The following WDPCP variants were observed in gnomAD, a reference collection of about 807,000 sequenced individuals.
WDPCP encodes the protein WD repeat-containing and planar cell polarity effector protein fritz homolog.
In WDPCP, 71 loss-of-function variants were observed where a neutral mutation model predicts 93.1. The observed-to-expected ratio is 0.76, with a 90% CI of 0.63 to 0.93. The LOEUF (loss-of-function observed/expected upper bound fraction) is 0.93. WDPCP is among the 40% of genes least tolerant of loss of function. The probability of loss-of-function intolerance (pLI) is 0.00; values close to 1 mark genes in which losing one functional copy is unlikely to be tolerated. For synonymous variants in WDPCP, 315 were observed against 315.0 expected (o/e 1.00, Z 0.00); for missense variants, 844 against 887.4 (o/e 0.95, Z 0.62).
chr2:63,588,170 AC>A, intron 1 of WDPCP, 26 bp downstream of exon 1: 3 of 1,553,122 alleles, frequency 1.9e-6, no homozygotes, highest in Non-Finnish European at 2.6e-6. Context: ...TTAAAAGAAA[AC>A]CCCTTGCCCT....
chr2:63,566,273 T>C (rs1270038246), intron 1 of WDPCP, among the ~76,000 whole-genome samples: 2 of 152,234 alleles, frequency 1.3e-5, no homozygotes, highest in Non-Finnish European at 2.9e-5. Flanking sequence ...CTGAGATAGA[T>C]GGATATCTGA....
At chr2:63,130,551 A>T (rs772782979) in intron 17 of WDPCP, among the ~76,000 whole-genome samples, 11 of 152,118 alleles carry the variant, frequency 7.2e-5, no homozygotes. Context: ...TGAGTTCTTC[A>T]ACTTTATTGT....
chr2:63,318,712 C>A (rs1168745775), intron 12 of WDPCP, among the ~76,000 whole-genome samples: 1 of 152,096 alleles, frequency 6.6e-6, no homozygotes, highest in Admixed American at 6.6e-5. Flanking sequence ...GAACTAAACA[C>A]TGAGTACACA....
chr2:63,372,928 A>G (rs560389049), intron 12 of WDPCP, among the ~76,000 whole-genome samples: 5 of 152,266 alleles, frequency 3.3e-5, no homozygotes, highest in Admixed American at 2.0e-4. Flanking sequence ...GTTTGAGACC[A>G]GCCTGACCAA....
intron 13 of WDPCP, among the ~76,000 whole-genome samples, chr2:63,291,927 A>T (rs1684458125): frequency 6.6e-6 from 1 of 151,846 alleles, no homozygotes; most frequent in African/African-American, 2.4e-5. Flanking sequence ...AGGTCAGGAG[A>T]TCGAGACCAT....
rs145622198 is a variant in WDPCP at position 63,762,706 on chromosome 2, A to G, written n.308+50916T>C. 7.2e-3 allele frequency among the ~76,000 whole-genome samples: 1,098 copies of G among 152,270 alleles called. 5 individuals carry two copies. Among genetic ancestry groups the G allele is most frequent in the Non-Finnish European group, 0.01 (688 of 68,010 alleles). ...CTAGCTCAGATCTTTTTCTCGTCTT[A>G]TAAAGCCACTGGTTCTCCTTTCATG... is the stretch of plus-strand genomic sequence containing the variant. On this transcript the variant is annotated intron_variant and non_coding_transcript_variant, in intron 2 of 4. Transcript: ENST00000467687.
At chr2:63,147,975 A>G (rs1219463444) in intron 17 of WDPCP, among the ~76,000 whole-genome samples, 1 of 151,894 alleles carries the variant, frequency 6.6e-6, no homozygotes, top group Non-Finnish European at 1.5e-5. Context: ...CTCAAAAAAA[A>G]AAAAAAAAAA....
intron 1 of WDPCP, among the ~76,000 whole-genome samples, chr2:63,509,904 A>T (rs1482666333): frequency 6.6e-6 from 1 of 152,188 alleles, no homozygotes; most frequent in East Asian, 1.9e-4. Context: ...CCCTGAACAG[A>T]CCAAAAACAA....
intron 1 of WDPCP, among the ~76,000 whole-genome samples, chr2:63,567,220 C>G (rs1707139934): frequency 6.6e-6 from 1 of 152,156 alleles, no homozygotes; most frequent in Admixed American, 6.5e-5. Flanking sequence ...TCTCCCCTCC[C>G]CTAGAGGTCA....
intron 1 of WDPCP, among the ~76,000 whole-genome samples, chr2:63,815,210 A>G (rs1342141098): frequency 6.6e-6 from 1 of 152,192 alleles, no homozygotes; most frequent in East Asian, 1.9e-4. Flanking sequence ...ACAGGGACTG[A>G]GAAGTGTTTT....
intron 17 of WDPCP, among the ~76,000 whole-genome samples, chr2:63,149,427 T>A (rs2103790111): frequency 6.6e-6 from 1 of 152,276 alleles, no homozygotes; most frequent in Non-Finnish European, 1.5e-5. Flanking sequence ...AAATATAAAT[T>A]GGCAAAACTA....
At chr2:63,172,761 T>C (rs1673491267) in intron 15 of WDPCP, among the ~76,000 whole-genome samples, 1 of 152,202 alleles carries the variant, frequency 6.6e-6, no homozygotes, top group African/African-American at 2.4e-5. Flanking sequence ...CTCCTGATAT[T>C]CTGGTACATC....
intron 14 of WDPCP, among the ~76,000 whole-genome samples, chr2:63,231,784 C>G (rs1047350896): frequency 6.6e-6 from 1 of 152,070 alleles, no homozygotes; most frequent in Non-Finnish European, 1.5e-5. Flanking sequence ...CAATGCCATC[C>G]CCATCAAGCT....
At chr2:63,542,913 AG>A (rs929936131) in intron 1 of WDPCP, among the ~76,000 whole-genome samples, 4 of 152,150 alleles carry the variant, frequency 2.6e-5, no homozygotes, top group Admixed American at 2.0e-4. Context: ...CTTATATATA[AG>A]GAAACTTGAA....
At chr2:63,298,787 C>G (rs1685083786) in intron 13 of WDPCP, among the ~76,000 whole-genome samples, 1 of 152,192 alleles carries the variant, frequency 6.6e-6, no homozygotes. Flanking sequence ...GGCTGCAGCC[C>G]TGGCCTATCT....
chr2:63,658,828 C>T (rs1159264879), intron 2 of WDPCP, among the ~76,000 whole-genome samples: 1 of 152,172 alleles, frequency 6.6e-6, no homozygotes, highest in Non-Finnish European at 1.5e-5. Flanking sequence ...CTCAGCTGGC[C>T]GACAGGCTCT....
At chr2:63,233,021 C>A in intron 14 of WDPCP, 1 of 157,576 alleles carries the variant, frequency 6.3e-6, no homozygotes. Context: ...GAGCAGCCCC[C>A]CATGTTGGCA....
intron 1 of WDPCP, among the ~76,000 whole-genome samples, chr2:63,528,147 T>C (rs1383206741): frequency 6.6e-6 from 1 of 152,196 alleles, no homozygotes; most frequent in Non-Finnish European, 1.5e-5. Context: ...TTGGAAAAAT[T>C]TTCTCCCATT....
intron 13 of WDPCP, among the ~76,000 whole-genome samples, chr2:63,291,173 C>T (rs1684390485): frequency 1.4e-5 from 2 of 146,254 alleles, no homozygotes; most frequent in Non-Finnish European, 3.0e-5. Context: ...TTTTATATTT[C>T]TTACTTCTAG....
Sources: gnomAD v4.1 joint callset for allele counts (sites outside exome capture counted in the v4.1 genomes callset) on GRCh38, gnomAD v4.1.1 for gene constraint, MANE v1.5 for transcripts, NCBI Gene and HGNC (gene_info 2026-07-23, HGNC 2026-07-21) for gene names.